Variants in CELF2 observed in about 807,000 individuals in gnomAD.
CELF2 encodes the protein CUG triplet repeat RNA-binding protein 2.
Under a neutral mutation model 62.6 loss-of-function variants are expected in CELF2, and 8 were observed. That is an observed-to-expected ratio of 0.13 (90% CI 0.07 to 0.23). The LOEUF (loss-of-function observed/expected upper bound fraction) is 0.23, where lower values mean the gene tolerates loss of function less well. CELF2 is among the 10% of genes least tolerant of loss of function. The probability of loss-of-function intolerance (pLI) is 1.00; values close to 1 mark genes in which losing one functional copy is unlikely to be tolerated. For synonymous variants in CELF2, 258 were observed against 250.0 expected, an observed-to-expected ratio of 1.03 and a Z score of -0.30; for missense variants, 333 against 671.0, an observed-to-expected ratio of 0.50 and a Z score of 5.56.
At chr10:10,669,792 C>T in the CELF2 span, among the ~76,000 whole-genome samples, 1 of 152,054 alleles carries the variant, frequency 6.6e-6, no homozygotes, top group Non-Finnish European at 1.5e-5. Flanking sequence ...CCTCTGAATC[C>T]TGGAGAATTT....
chr10:10,562,985 C>T, the CELF2 span, among the ~76,000 whole-genome samples: 1 of 152,076 alleles, frequency 6.6e-6, no homozygotes, highest in African/African-American at 2.4e-5. Context: ...ACCTGGTCCT[C>T]TGGTCCTTCC....
At chr10:10,855,062 C>T (rs1055353884) in intron 1 of CELF2, among the ~76,000 whole-genome samples, 1 of 152,196 alleles carries the variant, frequency 6.6e-6, no homozygotes, top group Non-Finnish European at 1.5e-5. Context: ...TGCCAAGCAT[C>T]GGGTCCACCA....
the CELF2 span, among the ~76,000 whole-genome samples, chr10:10,696,649 A>G: frequency 2.6e-5 from 4 of 151,922 alleles, no homozygotes; most frequent in Non-Finnish European, 4.4e-5. Context: ...GCTAGCAACC[A>G]GTGAGATTCC....
chr10:10,767,225 C>T, the CELF2 span, among the ~76,000 whole-genome samples: 1 of 152,002 alleles, frequency 6.6e-6, no homozygotes, highest in Non-Finnish European at 1.5e-5. Flanking sequence ...CCACCACTGC[C>T]ACCACCACCG....
the CELF2 span, among the ~76,000 whole-genome samples, chr10:10,727,183 A>T: frequency 1.3e-5 from 2 of 152,208 alleles, no homozygotes; most frequent in African/African-American, 2.4e-5. Context: ...CACAGATCCA[A>T]ACCCTATCAG....
the CELF2 span, among the ~76,000 whole-genome samples, chr10:10,766,921 T>A: frequency 1.3e-5 from 2 of 152,184 alleles, no homozygotes; most frequent in African/African-American, 4.8e-5. Flanking sequence ...TCTAAGCCCC[T>A]GATGGAGCAC....
At chr10:10,880,584 A>C (rs1202843951) in intron 1 of CELF2, among the ~76,000 whole-genome samples, 7 of 152,128 alleles carry the variant, frequency 4.6e-5, no homozygotes, top group Non-Finnish European at 1.0e-4. Flanking sequence ...TCTATGACTA[A>C]AATATGTTGA....
intron 2 of CELF2, among the ~76,000 whole-genome samples, chr10:11,201,964 G>A (rs200741325): frequency 6.6e-6 from 1 of 151,130 alleles, no homozygotes; most frequent in East Asian, 1.9e-4. Flanking sequence ...GTGGTGAAAC[G>A]TAACTCCTGG....
At chr10:10,791,318 C>CAA in the CELF2 span, among the ~76,000 whole-genome samples, 280 of 124,768 alleles carry the variant, frequency 2.2e-3, 1 homozygote, top group African/African-American at 4.4e-3. Flanking sequence ...TTTAATGTGG[C>CAA]AAAAAAAAAA....
In CELF2 at chr10:11,300,930, C is replaced by G. The variant is rs985519975; in HGVS notation, c.976+12378C>G. On this transcript the variant is annotated intron_variant, in intron 9 of 12. Coordinates refer to ENST00000633077, the MANE Select transcript of CELF2 (RefSeq NM_001326342.2). The surrounding 1 kb of genome is among the most constrained non-coding windows in gnomAD (Gnocchi z 5.5). ...TTAACGAGGGCACCGAAGGCAAATT[C>G]TTGCTGTCTTCTGTTAATGTTGTTT... 6.6e-6 allele frequency among the ~76,000 whole-genome samples: 1 copy of G among 152,158 alleles called. No individual in the cohort carries two copies. Among genetic ancestry groups the G allele is most frequent in the African/African-American group, 2.4e-5 (1 of 41,442 alleles).
At chr10:10,684,962 G>A in the CELF2 span, among the ~76,000 whole-genome samples, 2 of 152,060 alleles carry the variant, frequency 1.3e-5, no homozygotes. Flanking sequence ...ATATCTCAGT[G>A]GATTCTCTTT....
the CELF2 span, among the ~76,000 whole-genome samples, chr10:10,493,688 C>A: frequency 1.2e-4 from 18 of 152,124 alleles, no homozygotes; most frequent in African/African-American, 3.4e-4. Flanking sequence ...CCTGACACTA[C>A]ATACAGCTAA....
chr10:10,837,375 G>A (rs779712084), intron 1 of CELF2, among the ~76,000 whole-genome samples: 15 of 152,090 alleles, frequency 9.9e-5, no homozygotes, highest in East Asian at 5.8e-4. Flanking sequence ...CCCCAGCCTC[G>A]TGGAACTATG....
rs1271373115 is a variant in CELF2 at position 11,227,948 on chromosome 10, T to G, written c.354+10441T>G. Among the ~76,000 whole-genome samples the G allele has an allele frequency of 6.6e-6, 1 of 152,224 alleles. No homozygotes were observed. Among genetic ancestry groups the G allele is most frequent in the Non-Finnish European group, 1.5e-5 (1 of 68,040 alleles). ...ACCAGCACATACACGGTATTATTGTTTCCTCAGAAGAGTGTGTATTTAAAT... is the reference window on the plus strand; with the variant it reads ...ACCAGCACATACACGGTATTATTGTGTCCTCAGAAGAGTGTGTATTTAAAT... On this transcript the variant is annotated intron_variant, in intron 3 of 12. Coordinates refer to ENST00000633077, the MANE Select transcript of CELF2 (RefSeq NM_001326342.2). This position sits in a 1 kb window ranked among gnomAD's most constrained non-coding sequence, Gnocchi z 4.8.
In CELF2 at chr10:10,990,968, C is replaced by CGTGT. The variant is rs150054618; in HGVS notation, c.89+70987_89+70990dup. ...ACAGCATCTTTTTGAGGTTCTTTTG[C>CGTGT]GTGTGTGTGTGTGTGTGTGTGCCCA... On this transcript the variant is annotated intron_variant, in intron 2 of 13. Coordinates refer to the CELF2 transcript ENST00000636488. The surrounding 1 kb of genome is among the most constrained non-coding windows in gnomAD (Gnocchi z 4.6). 0.017 allele frequency among the ~76,000 whole-genome samples: 2,475 copies of CGTGT among 148,562 alleles called. 63 individuals are homozygous for CGTGT. Among genetic ancestry groups the CGTGT allele is most frequent in the African/African-American group, 0.057 (2,321 of 40,614 alleles).
chr10:10,554,262 A>C, the CELF2 span, among the ~76,000 whole-genome samples: 1 of 152,168 alleles, frequency 6.6e-6, no homozygotes, highest in African/African-American at 2.4e-5. Context: ...ATGTATGCAT[A>C]GGACATTTCA....
At chr10:10,478,971 A>C in the CELF2 span, among the ~76,000 whole-genome samples, 1 of 152,146 alleles carries the variant, frequency 6.6e-6, no homozygotes, top group Non-Finnish European at 1.5e-5. Context: ...TGATTTGTTC[A>C]TGCTTCAATG....
the CELF2 span, among the ~76,000 whole-genome samples, chr10:10,606,973 A>G: frequency 1.3e-5 from 2 of 152,190 alleles, no homozygotes; most frequent in South Asian, 2.1e-4. Flanking sequence ...TCTTTCTAGA[A>G]CTTAACAATT....
chr10:11,228,829 A>G (rs755156910), intron 3 of CELF2, among the ~76,000 whole-genome samples: 3 of 152,192 alleles, frequency 2.0e-5, no homozygotes, highest in Admixed American at 6.5e-5. Context: ...CCAAGATTTT[A>G]AAAACTCTGC....
Sources: allele counts gnomAD v4.1 joint callset (sites outside exome capture counted in the v4.1 genomes callset), GRCh38; gene constraint gnomAD v4.1.1; non-coding constraint Gnocchi (gnomAD v3.1); transcripts MANE v1.5; gene names NCBI Gene and HGNC (gene_info 2026-07-23, HGNC 2026-07-21).